LARGE1: variants seen among roughly 807,000 people sequenced by gnomAD.
LARGE1 encodes the protein xylosyl- and glucuronyltransferase LARGE1.
In LARGE1, 43 loss-of-function variants were observed where a neutral mutation model predicts 87.6. The ratio of observed to expected loss-of-function variants is 0.49; its 90% CI spans 0.38 to 0.63. The LOEUF (loss-of-function observed/expected upper bound fraction) is 0.63. Ranked by LOEUF, LARGE1 falls within the 30% of genes least tolerant of loss-of-function variation. LARGE1 has a pLI of 0.00. For synonymous variants in LARGE1, 434 were observed against 394.6 expected, an observed-to-expected ratio of 1.10 and a Z score of -1.18; for missense variants, 802 against 1,000.2, an observed-to-expected ratio of 0.80 and a Z score of 2.67.
chr22:33,530,202 T>C (rs1242308307), intron 6 of LARGE1, among the ~76,000 whole-genome samples: 3 of 152,158 alleles, frequency 2.0e-5, no homozygotes, highest in Admixed American at 6.5e-5. Flanking sequence ...CCTGGAGCTA[T>C]GGCAGCCATC....
At chr22:33,266,838 G>A (rs1033518252) in intron 11 of LARGE1, among the ~76,000 whole-genome samples, 3 of 151,152 alleles carry the variant, frequency 2.0e-5, no homozygotes. Context: ...CATTCAGGAA[G>A]CTGTAGAGAA....
chr22:33,074,805 G>T, the LARGE1 span, among the ~76,000 whole-genome samples: 2 of 152,150 alleles, frequency 1.3e-5, no homozygotes, highest in Non-Finnish European at 2.9e-5. Context: ...AGTGAAGGGG[G>T]TCCTTGCCCC....
intron 6 of LARGE1, among the ~76,000 whole-genome samples, chr22:33,541,784 A>G (rs985152385): frequency 1.3e-5 from 2 of 150,268 alleles, no homozygotes; most frequent in African/African-American, 2.4e-5. Flanking sequence ...ATGTCATGGG[A>G]TATCAGGGTA....
At chr22:33,772,290 G>A (rs1020514752) in intron 1 of LARGE1, among the ~76,000 whole-genome samples, 7 of 151,784 alleles carry the variant, frequency 4.6e-5, no homozygotes, top group Non-Finnish European at 1.0e-4. Flanking sequence ...CCGAGATCAC[G>A]CCACTACACT....
intron 2 of LARGE1, among the ~76,000 whole-genome samples, chr22:33,759,159 C>T (rs2084628897): frequency 6.6e-6 from 1 of 152,180 alleles, no homozygotes; most frequent in East Asian, 1.9e-4. Flanking sequence ...CCCCTGGATC[C>T]AACTCTGCCT....
At chr22:33,148,288 T>G in the LARGE1 span, among the ~76,000 whole-genome samples, 1 of 152,260 alleles carries the variant, frequency 6.6e-6, no homozygotes, top group Non-Finnish European at 1.5e-5. Context: ...GCCATCACTA[T>G]AGTTTTTAAC....
intron 1 of LARGE1, among the ~76,000 whole-genome samples, chr22:33,815,315 C>A (rs1013337): frequency 0.082 from 12,443 of 152,202 alleles, 1,718 homozygotes; most frequent in African/African-American, 0.29. Flanking sequence ...AGTCTGCACC[C>A]TTATCATTGT....
At chr22:33,688,447 G>T (rs1039005431) in intron 2 of LARGE1, among the ~76,000 whole-genome samples, 9 of 152,254 alleles carry the variant, frequency 5.9e-5, no homozygotes, top group African/African-American at 1.7e-4. Flanking sequence ...TGCCTCCTGG[G>T]TTCAAGCAAT....
intron 7 of LARGE1, among the ~76,000 whole-genome samples, chr22:33,400,522 C>A (rs778164483): frequency 6.6e-6 from 1 of 152,154 alleles, no homozygotes; most frequent in African/African-American, 2.4e-5. Flanking sequence ...AAATTTTTAA[C>A]AAATAATGAA....
At chr22:33,301,980 C>T (rs150795733) in intron 12 of LARGE1, among the ~76,000 whole-genome samples, 3 of 152,240 alleles carry the variant, frequency 2.0e-5, no homozygotes, top group Non-Finnish European at 2.9e-5. Flanking sequence ...GTAGAGACCA[C>T]AGACTCATAC....
chr22:33,785,592 GAAAC>G (rs1384319344), intron 1 of LARGE1, among the ~76,000 whole-genome samples: 1 of 151,978 alleles, frequency 6.6e-6, no homozygotes, highest in Admixed American at 6.6e-5. Flanking sequence ...GTTTAAAAAA[GAAAC>G]AAACAAAACT....
chr22:33,262,241 G>A (rs1348195462), intron 11 of LARGE1, among the ~76,000 whole-genome samples: 4 of 152,300 alleles, frequency 2.6e-5, no homozygotes, highest in Admixed American at 2.0e-4. Flanking sequence ...CTTCAAGAAT[G>A]GAGCTCTCAT....
chr22:33,750,899 A>T (rs1324614646), intron 2 of LARGE1: 1 of 152,236 alleles, frequency 6.6e-6, no homozygotes, highest in Admixed American at 6.5e-5. Flanking sequence ...GTCATTACAT[A>T]GAAGTGTTAA....
intron 2 of LARGE1, among the ~76,000 whole-genome samples, chr22:33,745,467 G>A (rs965985683): frequency 6.6e-6 from 1 of 152,158 alleles, no homozygotes; most frequent in African/African-American, 2.4e-5. Flanking sequence ...GAACCAGTGC[G>A]TGTGTGTGCC....
intron 2 of LARGE1, among the ~76,000 whole-genome samples, chr22:33,749,342 G>A (rs1349950829): frequency 2.0e-5 from 3 of 152,142 alleles, no homozygotes; most frequent in Non-Finnish European, 4.4e-5. Flanking sequence ...TCGAACTCCC[G>A]ACCTCAGGTA....
At chr22:33,220,182 T>C (rs1925390423) in intron 11 of LARGE1, among the ~76,000 whole-genome samples, 2 of 152,126 alleles carry the variant, frequency 1.3e-5, no homozygotes, top group African/African-American at 4.8e-5. Context: ...ATTTGTGAGG[T>C]CACGCACAGC....
At chr22:33,467,742 T>C (rs1216681565) in intron 6 of LARGE1, among the ~76,000 whole-genome samples, 1 of 152,178 alleles carries the variant, frequency 6.6e-6, no homozygotes, top group Non-Finnish European at 1.5e-5. Context: ...TACTTGGCTG[T>C]TGCTCTCTAA....
intron 7 of LARGE1, among the ~76,000 whole-genome samples, chr22:33,394,649 C>A (rs564777656): frequency 6.6e-6 from 1 of 151,888 alleles, no homozygotes; most frequent in East Asian, 1.9e-4. Flanking sequence ...AAATTAATTT[C>A]ACTCTTTGAT....
chr22:33,459,437 CTCTCTTT>C (rs920158382), intron 6 of LARGE1, among the ~76,000 whole-genome samples: 20 of 142,736 alleles, frequency 1.4e-4, no homozygotes, highest in Non-Finnish European at 2.2e-4. Context: ...CGCTCGCTCT[CTCTCTTT>C]TTTTTTTTTT....
Sources: allele counts gnomAD v4.1 joint callset (sites outside exome capture counted in the v4.1 genomes callset), GRCh38; gene constraint gnomAD v4.1.1; transcripts MANE v1.5; gene names NCBI Gene and HGNC (gene_info 2026-07-23, HGNC 2026-07-21).